Variants in SGSM2 observed in about 807,000 individuals in gnomAD.
SGSM2 encodes the protein RUN and TBC1 domain containing 1.
SGSM2 carries 89 observed loss-of-function variants against 126.6 expected under a neutral mutation model. The ratio of observed to expected loss-of-function variants is 0.70; its 90% CI spans 0.59 to 0.84. SGSM2 has a LOEUF of 0.84. Among genes scored for constraint, SGSM2 ranks in the 40% least tolerant of loss-of-function variants. The probability of loss-of-function intolerance (pLI) is 0.00; values close to 1 mark genes in which losing one functional copy is unlikely to be tolerated. For missense variants in SGSM2, 1,404 were observed against 1,416.6 expected (o/e 0.99, Z 0.14); for synonymous variants, 614 against 574.3 (o/e 1.07, Z -0.99).
At chr17:2,353,461 A>G (rs1347653014) in intron 2 of SGSM2, among the ~76,000 whole-genome samples, 1 of 152,148 alleles carries the variant, frequency 6.6e-6, no homozygotes, top group Non-Finnish European at 1.5e-5. Flanking sequence ...AATCAAAACC[A>G]TATAAAAAGG....
At chr17:2,341,538 A>C (rs112146269) in intron 1 of SGSM2, among the ~76,000 whole-genome samples, 13 of 152,326 alleles carry the variant, frequency 8.5e-5, no homozygotes, top group African/African-American at 2.9e-4. Context: ...CCTCCAAACT[A>C]TACAGTCTTG....
At position 2,367,051 on chromosome 17, in the gene SGSM2, C is replaced by T. The variant is rs534937033; in HGVS notation, c.1289-220C>T. 51 of 542,118 alleles carry T rather than the reference C, an allele frequency of 9.4e-5. No individual in the cohort carries two copies. Among genetic ancestry groups the T allele is most frequent in the Non-Finnish European group, 1.2e-4 (37 of 303,772 alleles). 33.6% of individuals were successfully genotyped at this position (542,118 alleles called of 1,614,324 possible). A position where few individuals can be genotyped will look rare whatever the true frequency, so the allele number is the denominator to read the frequency against. On this transcript the variant is annotated intron_variant, in intron 11 of 23. Transcript: ENST00000268989. This position sits in a 1 kb window ranked among gnomAD's most constrained non-coding sequence, Gnocchi z 4.0. ...CTGTTCTTCCTAGAGAGGCTGCCTC[C>T]GAAGAGTGAGGTTCTGCAGCTGCCC...
rs112097002 is a variant in SGSM2, at chr17:2,363,087, G to T, written c.625G>T (p.Gly209Cys). The T allele has an allele frequency of 2.2e-4, 356 of 1,613,210 alleles. 1 individual carries two copies. The African/African-American group carries it at 3.9e-3, about 18-fold the overall frequency. ...DELVQRHRIRGPPTRQDSPAK... is the reference protein window; with the variant it reads ...DELVQRHRIRCPPTRQDSPAK... ...GCTGGTCCAGCGGCACCGCATCCGGGGTCCACCTACTCGCCAGGACTCCCC... is the reference window on the plus strand; with the variant it reads ...GCTGGTCCAGCGGCACCGCATCCGGTGTCCACCTACTCGCCAGGACTCCCC... The change falls in exon 6 of 24, where the codon GGT becomes TGT. Residue 209 changes from glycine to cysteine, a missense_variant. Gly to Cys is a radical substitution (Grantham distance 159). Coordinates refer to ENST00000268989, the MANE Select transcript of SGSM2 (RefSeq NM_014853.3). The surrounding 1 kb of genome is among the most constrained non-coding windows in gnomAD (Gnocchi z 4.2).
At chr17:2,354,607 C>T (rs1020523452) in intron 2 of SGSM2, among the ~76,000 whole-genome samples, 41 of 152,320 alleles carry the variant, frequency 2.7e-4, no homozygotes, top group African/African-American at 9.1e-4. Context: ...AATAATCACG[C>T]AGTTATATCT....
chr17:2,375,438 G>A (rs1205656735), intron 17 of SGSM2, 54 bp from the exon 18 acceptor site: 47 of 1,541,594 alleles, frequency 3.0e-5, no homozygotes, highest in Non-Finnish European at 4.0e-5. Flanking sequence ...GGAGGCGGTG[G>A]GCTGCGGGAA....
At chr17:2,377,482 TCA>T (rs1567852668) in intron 21 of SGSM2, 1 of 91,824 alleles carries the variant, frequency 1.1e-5, no homozygotes, top group South Asian at 2.2e-4. Context: ...AGACTCTGTC[TCA>T]AAAAAAAAAA....
chr17:2,354,676 G>T (rs1023491487), intron 2 of SGSM2, among the ~76,000 whole-genome samples: 1 of 152,244 alleles, frequency 6.6e-6, no homozygotes, highest in African/African-American at 2.4e-5. Flanking sequence ...AGCATTAGTG[G>T]AGAGGGCCAT....
At chr17:2,361,987 C>T in intron 3 of SGSM2, 122 bp from the exon 4 acceptor site, 2 of 1,379,474 alleles carry the variant, frequency 1.4e-6, no homozygotes, top group African/African-American at 1.4e-5. Context: ...CCTCCTTCAC[C>T]TCCCAACCCC....
At chr17:2,371,936 C>G (rs11657513) in intron 13 of SGSM2, 35,737 of 531,206 alleles carry the variant, frequency 0.067, 2,505 homozygotes, top group African/African-American at 0.24. Context: ...CATGAGGAAA[C>G]GAAGATTCAT....
Position 2,380,239 on chromosome 17 carries a change from C to A in SGSM2, c.*719C>A, listed in dbSNP as rs761088428. On this transcript the variant is annotated 3_prime_UTR_variant, in exon 24 of 24. Transcript: ENST00000268989. ...TGTATCTGTACAGCCTCGCTCCTGC[C>A]ACCCCACCCTTGCGTTCTGCATTAG... The A allele has an allele frequency of 6.5e-7, 1 of 1,535,994 alleles. No homozygotes were observed. The highest frequency in any genetic ancestry group is 8.7e-7 in the Non-Finnish European group (1 of 1,146,838).
chr17:2,346,831 G>A (rs2064616226), intron 2 of SGSM2, among the ~76,000 whole-genome samples: 1 of 152,116 alleles, frequency 6.6e-6, no homozygotes, highest in Non-Finnish European at 1.5e-5. Context: ...ACTCACACCT[G>A]CAATCCCAGT....
At chr17:2,368,868 C>T (rs971888011) in intron 12 of SGSM2, among the ~76,000 whole-genome samples, 3 of 152,184 alleles carry the variant, frequency 2.0e-5, no homozygotes, top group Admixed American at 1.3e-4. Context: ...TCTTCCCCCA[C>T]GAACTGGTAG....
intron 21 of SGSM2, 42 bp from the exon 22 acceptor site, chr17:2,377,815 G>C (rs377474688): frequency 1.5e-6 from 2 of 1,339,738 alleles, no homozygotes; most frequent in Non-Finnish European, 2.1e-6. Flanking sequence ...AGGCAGCATC[G>C]GCTCAGGGCT....
Position 2,375,770 on chromosome 17 carries a change from A to T in SGSM2, c.2379A>T (p.Ala793=). Residue 793 remains alanine (A), a synonymous_variant, in exon 18 of 24, where the codon GCA becomes GCT. Transcript: ENST00000268989. The part of the protein sequence containing the change: ...GEEGSSGPGP[A]AHTLREPQDP... ...AAGGCTCCAGTGGGCCCGGCCCTGC[A>T]GCTCACACTTTGAGGGAGCCCCAGG... is the stretch of plus-strand genomic sequence containing the variant. The T allele has an allele frequency of 6.3e-7, 1 of 1,595,914 alleles. No individual in the cohort carries two copies. Among genetic ancestry groups the T allele is most frequent in the Non-Finnish European group, 8.5e-7 (1 of 1,169,620 alleles).
chr17:2,365,136 T>A, intron 10 of SGSM2, 79 bp downstream of exon 10: 1 of 1,594,008 alleles, frequency 6.3e-7, no homozygotes, highest in South Asian at 1.1e-5. Flanking sequence ...CCACGTGGAG[T>A]TCTTAGGAGC....
intron 2 of SGSM2, among the ~76,000 whole-genome samples, chr17:2,351,086 C>T (rs925902973): frequency 6.6e-6 from 1 of 152,056 alleles, no homozygotes; most frequent in African/African-American, 2.4e-5. Context: ...AACCCCTTCT[C>T]TACTAAAAAT....
chr17:2,339,218 G>C (rs2064234216), intron 1 of SGSM2, among the ~76,000 whole-genome samples: 1 of 151,924 alleles, frequency 6.6e-6, no homozygotes, highest in African/African-American at 2.4e-5. Context: ...ACGAGGTCAG[G>C]AGTTCCAGAC....
Position 2,363,218 on chromosome 17 carries a change from A to G in SGSM2, c.672+84A>G. The G allele has an allele frequency of 2.0e-6, 3 of 1,479,154 alleles. No individual in the cohort carries two copies. Among genetic ancestry groups the G allele is most frequent in the Admixed American group, 4.4e-5 (2 of 45,710 alleles). 91.6% of individuals were successfully genotyped at this position (1,479,154 alleles called of 1,614,324 possible). On this transcript the variant is annotated intron_variant, in intron 6 of 23. Transcript: ENST00000268989. This position sits in a 1 kb window ranked among gnomAD's most constrained non-coding sequence, Gnocchi z 4.2. ...GACGGGAAACCGGCCTCTCTACGGG[A>G]CAGGCCTTGGAGATGCCCCAAGGTA...
intron 12 of SGSM2, among the ~76,000 whole-genome samples, chr17:2,368,733 A>G (rs2065715710): frequency 7.5e-6 from 1 of 133,374 alleles, no homozygotes; most frequent in African/African-American, 2.8e-5. Context: ...TCTGATGTTT[A>G]TTGCCTACAC....
Sources: gnomAD v4.1 joint callset for allele counts (sites outside exome capture counted in the v4.1 genomes callset) on GRCh38, gnomAD v4.1.1 for gene constraint, Gnocchi (gnomAD v3.1) non-coding constraint, MANE v1.5 for transcripts, NCBI Gene and HGNC (gene_info 2026-07-23, HGNC 2026-07-21) for gene names.